The following PPP1R13B variants were observed in gnomAD, a reference collection of about 807,000 sequenced individuals.
PPP1R13B encodes apoptosis-stimulating of p53 protein 1.
In PPP1R13B, 44 loss-of-function variants were observed where a neutral mutation model predicts 119.8. The observed-to-expected ratio is 0.37, with a 90% CI of 0.29 to 0.47. The LOEUF (loss-of-function observed/expected upper bound fraction) is 0.47, where lower values mean the gene tolerates loss of function less well. Among genes scored for constraint, PPP1R13B ranks in the 20% least tolerant of loss-of-function variants. PPP1R13B has a pLI of 0.99. For missense variants in PPP1R13B, 1,227 were observed against 1,413.5 expected (o/e 0.87, Z 2.12); for synonymous variants, 542 against 561.5 (o/e 0.97, Z 0.49).
intron 3 of PPP1R13B, among the ~76,000 whole-genome samples, chr14:103,782,119 T>A (rs1323136345): frequency 6.6e-6 from 1 of 152,160 alleles, no homozygotes; most frequent in African/African-American, 2.4e-5. Flanking sequence ...CACTTTTCCC[T>A]TTCCCCCCAG....
At position 103,828,304 on chromosome 14, in the gene PPP1R13B, G is replaced by C. The variant is rs985227609; in HGVS notation, c.9+18995C>G. Among the ~76,000 whole-genome samples the C allele has an allele frequency of 2.7e-5, 4 of 146,290 alleles. No homozygotes were observed. In the East Asian group the frequency reaches 8.1e-4, roughly 30 times the overall value. On this transcript the variant is annotated intron_variant, in intron 1 of 16. Coordinates refer to ENST00000202556, the MANE Select transcript of PPP1R13B (RefSeq NM_015316.3). ...GAATCACTTGAACCTGGGAGGCAGA[G>C]ACTGCAGTGAGCCGAGATCACACCA...
intron 1 of PPP1R13B, among the ~76,000 whole-genome samples, chr14:103,801,249 G>A (rs2085893977): frequency 6.6e-6 from 1 of 152,082 alleles, no homozygotes; most frequent in Non-Finnish European, 1.5e-5. Context: ...AAACACCTTC[G>A]CTGGTATATA....
intron 2 of PPP1R13B, among the ~76,000 whole-genome samples, chr14:103,792,250 GGAGCACTGAAGTGCAGTGGTGTGA>G: frequency 6.6e-6 from 1 of 151,334 alleles, no homozygotes; most frequent in Non-Finnish European, 1.5e-5. Flanking sequence ...CACCCAGGCT[GGAGCACTGAAGTGCAGTGGTGTGA>G]TCAAGCGATC....
intron 9 of PPP1R13B, among the ~76,000 whole-genome samples, chr14:103,744,290 G>T (rs1000455031): frequency 1.3e-5 from 2 of 152,184 alleles, no homozygotes; most frequent in African/African-American, 4.8e-5. Flanking sequence ...TAGTATGATT[G>T]TAAAACTAAA....
At chr14:103,752,881 C>T in intron 7 of PPP1R13B, 119 bp downstream of exon 7, 1 of 1,100,776 alleles carries the variant, frequency 9.1e-7, no homozygotes, top group Non-Finnish European at 1.3e-6. Context: ...TATCTTGTGC[C>T]TATTATTAAA....
chr14:103,752,517 G>A (rs1027365740), intron 7 of PPP1R13B, among the ~76,000 whole-genome samples: 5 of 150,612 alleles, frequency 3.3e-5, no homozygotes, highest in Non-Finnish European at 7.4e-5. Context: ...TGAATTGTAC[G>A]CTGTGTGAAT....
At chr14:103,814,076 G>A (rs1449219196) in intron 1 of PPP1R13B, among the ~76,000 whole-genome samples, 6 of 152,208 alleles carry the variant, frequency 3.9e-5, no homozygotes, top group Admixed American at 6.5e-5. Flanking sequence ...CCAGATGGGC[G>A]TGGTGGCTCA....
chr14:103,795,575 G>A (rs374376472), intron 2 of PPP1R13B, among the ~76,000 whole-genome samples: 1 of 152,126 alleles, frequency 6.6e-6, no homozygotes, highest in Admixed American at 6.6e-5. Flanking sequence ...TAATACTCGT[G>A]TAAAAATTTT....
In PPP1R13B at chr14:103,847,300, G is replaced by A; in HGVS notation, c.8C>T (p.Pro3Leu). ...CACCTCCCGCCCGCCCTCACCCACC[G>A]GCATCATCGCGGGGAGAGTCCGCGA... MM[P>L]MILTVFLSNN... The change falls in exon 1 of 17, where the codon CCG becomes CTG. Residue 3 changes from proline (P) to leucine (L), a missense_variant and splice_region_variant. Transcript: ENST00000202556. 4.6e-6 allele frequency: 3 copies of A among 658,640 alleles called. No individual in the cohort carries two copies. Among genetic ancestry groups the A allele is most frequent in the South Asian group, 2.1e-5 (1 of 47,726 alleles). The allele number at this position is 658,640 out of a possible 1,614,324, so 40.8% of individuals were successfully genotyped here.
Position 103,766,283 on chromosome 14 carries a change from C to T in PPP1R13B, c.355-8532G>A, listed in dbSNP as rs139718777. ...TCGGCTTCCCAAGGTGCTGGGATTA[C>T]AGGCGTCATCCACCGTGCCTGGCCC... On this transcript the variant is annotated intron_variant, in intron 4 of 16. Coordinates refer to ENST00000202556, the MANE Select transcript of PPP1R13B (RefSeq NM_015316.3). 2.9e-3 allele frequency among the ~76,000 whole-genome samples: 446 copies of T among 152,236 alleles called. 1 individual carries two copies. Among genetic ancestry groups the T allele is most frequent in the South Asian group, 5.2e-3 (25 of 4,812 alleles).
intron 1 of PPP1R13B, among the ~76,000 whole-genome samples, chr14:103,813,353 C>T (rs1316641948): frequency 6.6e-6 from 1 of 152,110 alleles, no homozygotes; most frequent in Non-Finnish European, 1.5e-5. Context: ...AGTACACTGC[C>T]CATGGAAAGG....
upstream of PPP1R13B, chr14:103,848,470 C>G (rs919873554): frequency 2.0e-6 from 2 of 985,462 alleles, no homozygotes; most frequent in Non-Finnish European, 2.4e-6. Context: ...GGCACCCGCT[C>G]GGGGCCCCCC....
At chr14:103,796,605 G>A (rs752674647) in intron 2 of PPP1R13B, among the ~76,000 whole-genome samples, 51 of 152,256 alleles carry the variant, frequency 3.3e-4, no homozygotes, top group Admixed American at 4.6e-4. Flanking sequence ...ATTACCATAT[G>A]ACCCAGAGAT....
intron 1 of PPP1R13B, among the ~76,000 whole-genome samples, chr14:103,801,072 A>G (rs1001694790): frequency 6.6e-6 from 1 of 151,300 alleles, no homozygotes; most frequent in Non-Finnish European, 1.5e-5. Flanking sequence ...CTGCTCTCAA[A>G]CTCCCGACCT....
At chr14:103,804,322 A>T (rs1547604) in intron 1 of PPP1R13B, among the ~76,000 whole-genome samples, 87,858 of 152,056 alleles carry the variant, frequency 0.58, 27,268 homozygotes, top group African/African-American at 0.83. Flanking sequence ...ATTTAAGTAA[A>T]CCACACAGAT....
chr14:103,748,486 G>A (rs1482713293), intron 8 of PPP1R13B, among the ~76,000 whole-genome samples: 1 of 152,196 alleles, frequency 6.6e-6, no homozygotes, highest in Non-Finnish European at 1.5e-5. Context: ...AGGCTAACAA[G>A]AGGACACTAT....
chr14:103,811,855 G>C (rs962376337), intron 1 of PPP1R13B, among the ~76,000 whole-genome samples: 1 of 151,532 alleles, frequency 6.6e-6, no homozygotes, highest in African/African-American at 2.4e-5. Context: ...AGGAGATCAA[G>C]ATCATCCTGG....
rs2084140066 is a variant in PPP1R13B, at chr14:103,737,400, A to AC, written c.3031+293dup. The AC allele has an allele frequency of 1.5e-5, 4 of 269,300 alleles. No individual in the cohort carries two copies. In the South Asian group the frequency reaches 2.4e-4, roughly 16 times the overall value. The allele number at this position is 269,300 out of a possible 1,614,324, so 16.7% of individuals were successfully genotyped here. Reference sequence around the variant, plus strand: ...GGCAACATGGCGAAACACTGTCTCTACAAAAAAAAAAAAAAAGTACAAAAA... The same window carrying AC: ...GGCAACATGGCGAAACACTGTCTCTACCAAAAAAAAAAAAAAAGTACAAAAA... On this transcript the variant is annotated intron_variant, in intron 15 of 16. Transcript: ENST00000202556.
At chr14:103,845,673 T>C (rs1308689945) in intron 1 of PPP1R13B, among the ~76,000 whole-genome samples, 3 of 152,144 alleles carry the variant, frequency 2.0e-5, no homozygotes, top group Non-Finnish European at 4.4e-5. Flanking sequence ...TTAAACATTA[T>C]ACAACGACGA....
Sources: gnomAD v4.1 joint callset for allele counts (sites outside exome capture counted in the v4.1 genomes callset) on GRCh38, gnomAD v4.1.1 for gene constraint, MANE v1.5 for transcripts, NCBI Gene and HGNC (gene_info 2026-07-23, HGNC 2026-07-21) for gene names.